Variants in UVSSA observed in about 807,000 individuals in gnomAD.
The protein encoded by UVSSA is UV-stimulated scaffold protein A.
Under a neutral mutation model 73.9 loss-of-function variants are expected in UVSSA, and 72 were observed. The observed-to-expected ratio is 0.97, with a 90% CI of 0.81 to 1.19. The LOEUF (loss-of-function observed/expected upper bound fraction) is 1.19. Among genes scored for constraint, UVSSA ranks in the 50% most tolerant of loss-of-function variants. The probability of loss-of-function intolerance (pLI) is 0.00; values close to 1 mark genes in which losing one functional copy is unlikely to be tolerated. For synonymous variants in UVSSA, 454 were observed against 391.3 expected (o/e 1.16, Z -1.89); for missense variants, 1,150 against 965.0 (o/e 1.19, Z -2.54).
upstream of UVSSA, among the ~76,000 whole-genome samples, chr4:1,343,458 G>T (rs759166622): frequency 3.3e-5 from 5 of 151,918 alleles, no homozygotes; most frequent in Admixed American, 6.5e-5. Context: ...CCATAACAAG[G>T]ACTTATAAAT....
chr4:1,369,690 C>T (rs576693759), intron 8 of UVSSA, among the ~76,000 whole-genome samples: 3 of 152,352 alleles, frequency 2.0e-5, no homozygotes, highest in South Asian at 4.1e-4. Context: ...CTGGGCAGGC[C>T]GCCTGGGCGC....
intron 10 of UVSSA, among the ~76,000 whole-genome samples, chr4:1,377,662 C>G (rs1477236837): frequency 1.3e-5 from 2 of 151,972 alleles, no homozygotes; most frequent in Non-Finnish European, 2.9e-5. Flanking sequence ...GCCCTGAGCC[C>G]CCAGGCAGTT....
chr4:1,380,954 G>C lies in UVSSA; in HGVS notation c.1827G>C (p.Glu609Asp), dbSNP rs1164252622. ...TCGACCCGGAAGACAGGGCTCGTGA[G>C]CAGCGGCGGCAGCTGCAGAAGCAGG... Reference protein sequence around the residue: ...RPLDPEDRAREQRRQLQKQER... With the variant: ...RPLDPEDRARDQRRQLQKQER... Residue 609 changes from glutamate (E) to aspartate (D), a missense_variant, in exon 12 of 14, where the codon GAG becomes GAC. Physicochemically the swap from Glu to Asp is conservative, Grantham distance 45. Transcript: ENST00000389851. 2 of 1,612,732 alleles carry C rather than the reference G, an allele frequency of 1.2e-6. No individual in the cohort carries two copies. Among genetic ancestry groups the C allele is most frequent in the East Asian group, 4.5e-5 (2 of 44,862 alleles).
At chr4:1,342,096 T>A (rs1713453468), upstream of UVSSA, among the ~76,000 whole-genome samples, 1 of 152,240 alleles carries the variant, frequency 6.6e-6, no homozygotes, top group Non-Finnish European at 1.5e-5. Context: ...CAGACATTAT[T>A]TTCATTTCTT....
chr4:1,395,300 C>G, exon 14 of UVSSA: 1 of 1,552,044 alleles, frequency 6.4e-7, no homozygotes, highest in Non-Finnish European at 8.7e-7. Context: ...CCTGCTCACA[C>G]GTGCCCATGT....
chr4:1,393,445 C>A (rs947773968), exon 14 of UVSSA: 2 of 152,208 alleles, frequency 1.3e-5, no homozygotes, highest in Non-Finnish European at 2.9e-5. Context: ...ATCCCAGCTA[C>A]TTGGGAGGCA....
chr4:1,346,786 C>G (rs1281877726), upstream of UVSSA, among the ~76,000 whole-genome samples: 4 of 152,190 alleles, frequency 2.6e-5, no homozygotes, highest in Non-Finnish European at 5.9e-5. Context: ...CCGGAACTTC[C>G]TTTCGGCCTC....
exon 14 of UVSSA, chr4:1,395,236 C>G: frequency 6.8e-7 from 1 of 1,479,594 alleles, no homozygotes; most frequent in Non-Finnish European, 9.0e-7. Flanking sequence ...CCCGCCTGCT[C>G]ACACGTGCCC....
chr4:1,385,710 C>T (rs1285790314), intron 13 of UVSSA, 158 bp from the exon 14 acceptor site: 1 of 715,438 alleles, frequency 1.4e-6, no homozygotes, highest in Non-Finnish European at 2.4e-6. Flanking sequence ...GGGCCCGTCG[C>T]CCATCTGTCT....
At position 1,370,961 on chromosome 4, in the gene UVSSA, G is replaced by A. The variant is rs574409898; in HGVS notation, c.1289-4403G>A. ...TTGTCCTTACCCACTTCCCTCCCTG[G>A]AAGCCCCTGTGCCCGGCGGCCTTGC... On this transcript the variant is annotated intron_variant, in intron 8 of 13. Coordinates refer to ENST00000389851, the MANE Select transcript of UVSSA (RefSeq NM_020894.4). Among the ~76,000 whole-genome samples, 41 of 152,306 alleles carry A rather than the reference G, an allele frequency of 2.7e-4. 1 individual carries two copies. In the South Asian group the frequency reaches 7.5e-3, roughly 28 times the overall value.
In UVSSA at chr4:1,381,686, CT is replaced by C. The variant is rs1318393473; in HGVS notation, c.1861+717del. Among the ~76,000 whole-genome samples, 457 of 131,748 alleles carry C rather than the reference CT, an allele frequency of 3.5e-3. 1 individual carries two copies. The highest frequency in any genetic ancestry group is 7.9e-3 in the Middle Eastern group (2 of 252). The allele number at this position is 131,748 out of a possible 152,430, so 86.4% of individuals were successfully genotyped here. A position where few individuals can be genotyped will look rare whatever the true frequency, so the allele number is the denominator to read the frequency against. On this transcript the variant is annotated intron_variant, in intron 12 of 13. Transcript: ENST00000389851. ...CTCTCTTCTTTTTACTTTGATTTGG[CT>C]TTTTTTTTTTTTTTTTTTGAAGCAG...
At chr4:1,354,904 G>GGGGA in intron 6 of UVSSA, 57 bp downstream of exon 6, 1 of 1,370,818 alleles carries the variant, frequency 7.3e-7, no homozygotes, top group Non-Finnish European at 9.8e-7. Flanking sequence ...TGCCATGCAT[G>GGGGA]GGGGGGGTCC....
intron 11 of UVSSA, chr4:1,380,654 G>T (rs1210561372): frequency 1.3e-6 from 2 of 1,528,906 alleles, no homozygotes. Flanking sequence ...TTCCACAGCT[G>T]CCCAAGACCT....
chr4:1,354,909 G>GGGT, intron 6 of UVSSA, 62 bp downstream of exon 6: 1 of 1,454,314 alleles, frequency 6.9e-7, no homozygotes, highest in South Asian at 1.2e-5. Context: ...TGCATGGGGG[G>GGGT]GGTCCCTTTC....
intron 7 of UVSSA, among the ~76,000 whole-genome samples, chr4:1,362,475 G>C (rs1426558601): frequency 6.6e-6 from 1 of 152,196 alleles, no homozygotes; most frequent in African/African-American, 2.4e-5. Flanking sequence ...CAGGAAACTC[G>C]GCTGCCAGGT....
At chr4:1,359,339 C>T (rs1716276511) in intron 7 of UVSSA, 1 of 152,204 alleles carries the variant, frequency 6.6e-6, no homozygotes, top group Non-Finnish European at 1.5e-5. Flanking sequence ...GATTGCGTGT[C>T]CAGCCTTGCC....
At chr4:1,356,189 T>C (rs1715714070) in intron 7 of UVSSA, among the ~76,000 whole-genome samples, 1 of 151,928 alleles carries the variant, frequency 6.6e-6, no homozygotes, top group Non-Finnish European at 1.5e-5. Flanking sequence ...CTCTCCCCAC[T>C]TTAAGGAAAG....
Position 1,395,750 on chromosome 4 carries a change from C to T in UVSSA, c.*9789C>T, listed in dbSNP as rs115895472. 3.0e-5 allele frequency: 49 copies of T among 1,614,164 alleles called. No homozygotes were observed. In the East Asian group the frequency reaches 6.2e-4, roughly 21 times the overall value. ...TCTGTAGGTTTCCTGTCCTGCCGGC[C>T]GAGTCAGACGCTGTTACCGTACATT... On this transcript the variant is annotated 3_prime_UTR_variant, in exon 14 of 14. Coordinates refer to the UVSSA transcript ENST00000511216.
chr4:1,380,913 G>A lies in UVSSA; in HGVS notation c.1786G>A (p.Asp596Asn), dbSNP rs772417424. Residue 596 changes from aspartate to asparagine, a missense_variant, in exon 12 of 14, where the codon GAC becomes AAC. By Grantham distance (23) the Asp-to-Asn change is conservative (BLOSUM62 1). Coordinates refer to ENST00000389851, the MANE Select transcript of UVSSA (RefSeq NM_020894.4). ...CCATGGGAAGATTGTTCCACGGGAC[G>A]ACGAAGGACGGCCGCTCGACCCGGA... ...PFHGKIVPRD[D>N]EGRPLDPEDR... 1.9e-6 allele frequency: 3 copies of A among 1,612,960 alleles called. No homozygotes were observed. The highest frequency in any genetic ancestry group is 2.2e-5 in the East Asian group (1 of 44,882).
Sources: allele counts gnomAD v4.1 joint callset (sites outside exome capture counted in the v4.1 genomes callset), GRCh38; gene constraint gnomAD v4.1.1; transcripts MANE v1.5; gene names NCBI Gene and HGNC (gene_info 2026-07-23, HGNC 2026-07-21).